Variants in OPCML observed in about 807,000 individuals in gnomAD.
The protein encoded by OPCML is opioid binding protein/cell adhesion molecule like.
In OPCML, 13 loss-of-function variants were observed where a neutral mutation model predicts 37.8. The ratio of observed to expected loss-of-function variants is 0.34; its 90% CI spans 0.22 to 0.55. OPCML has a LOEUF of 0.55. Among genes scored for constraint, OPCML ranks in the 20% least tolerant of loss-of-function variants. The pLI is 0.91. For missense variants in OPCML, 341 were observed against 435.6 expected (o/e 0.78, Z 1.93); for synonymous variants, 176 against 168.8 (o/e 1.04, Z -0.33).
intron 1 of OPCML, among the ~76,000 whole-genome samples, chr11:132,998,330 A>T (rs527619110): frequency 7.9e-5 from 12 of 152,260 alleles, no homozygotes; most frequent in African/African-American, 2.6e-4. Context: ...TCTATGAGGC[A>T]AAGGGGCACT....
intron 2 of OPCML, among the ~76,000 whole-genome samples, chr11:132,706,205 C>T (rs1944029530): frequency 6.6e-6 from 1 of 152,154 alleles, no homozygotes; most frequent in Admixed American, 6.5e-5. Flanking sequence ...ACTACGATGC[C>T]TATCCAGACT....
At chr11:132,829,552 A>G (rs1298830185) in intron 2 of OPCML, among the ~76,000 whole-genome samples, 1 of 152,202 alleles carries the variant, frequency 6.6e-6, no homozygotes. Context: ...CTCTTGACTC[A>G]TCTCCTGAGG....
intron 2 of OPCML, among the ~76,000 whole-genome samples, chr11:132,888,172 T>C (rs1943495968): frequency 2.0e-5 from 3 of 152,148 alleles, no homozygotes; most frequent in African/African-American, 7.2e-5. Context: ...CAGCCTGGTT[T>C]GACGTTCAGT....
intron 1 of OPCML, among the ~76,000 whole-genome samples, chr11:133,097,368 C>T (rs1949018230): frequency 6.6e-6 from 1 of 152,146 alleles, no homozygotes; most frequent in East Asian, 1.9e-4. Context: ...TGGAACTTAT[C>T]ACATGCGTGT....
chr11:132,585,004 G>A (rs1228832590), intron 3 of OPCML, among the ~76,000 whole-genome samples: 5 of 152,156 alleles, frequency 3.3e-5, no homozygotes, highest in Admixed American at 2.0e-4. Context: ...TGGCAGACTC[G>A]TTACAAGAGT....
At chr11:132,649,358 G>A (rs547924506) in intron 3 of OPCML, among the ~76,000 whole-genome samples, 48 of 152,240 alleles carry the variant, frequency 3.2e-4, no homozygotes, top group African/African-American at 1.1e-3. Flanking sequence ...TAGGAGACGC[G>A]TGAAGGTCAA....
At chr11:132,732,921 A>C (rs1473099434) in intron 2 of OPCML, among the ~76,000 whole-genome samples, 1 of 152,146 alleles carries the variant, frequency 6.6e-6, no homozygotes, top group Non-Finnish European at 1.5e-5. Flanking sequence ...AAGGACACAG[A>C]AGTAGTAGTA....
At chr11:132,644,871 T>C (rs1452829242) in intron 3 of OPCML, among the ~76,000 whole-genome samples, 1 of 152,246 alleles carries the variant, frequency 6.6e-6, no homozygotes, top group African/African-American at 2.4e-5. Context: ...CCAGCAATGG[T>C]ACAATTAAAA....
chr11:132,430,632 C>T (rs986686003), intron 7 of OPCML, among the ~76,000 whole-genome samples: 13 of 152,130 alleles, frequency 8.5e-5, no homozygotes, highest in African/African-American at 2.2e-4. Flanking sequence ...TTTTCACTTG[C>T]GATGACAGGA....
intron 2 of OPCML, among the ~76,000 whole-genome samples, chr11:132,793,532 G>A (rs945567218): frequency 6.6e-6 from 1 of 152,138 alleles, no homozygotes; most frequent in African/African-American, 2.4e-5. Context: ...TTGTGAAAGA[G>A]GCAGGATTAG....
chr11:133,422,121 C>T (rs1205071878), intron 1 of OPCML: 1 of 983,678 alleles, frequency 1.0e-6, no homozygotes, highest in African/African-American at 1.8e-5. Context: ...TCCCCTAGCC[C>T]CCCACCCCCT....
chr11:132,826,049 C>T (rs35203783), intron 2 of OPCML, among the ~76,000 whole-genome samples: 7 of 152,166 alleles, frequency 4.6e-5, no homozygotes, highest in Admixed American at 6.5e-5. Flanking sequence ...GGTGCAAAGA[C>T]GTGGCTACTG....
intron 1 of OPCML, among the ~76,000 whole-genome samples, chr11:133,273,886 T>A (rs1941919587): frequency 6.6e-6 from 1 of 152,238 alleles, no homozygotes; most frequent in South Asian, 2.1e-4. Flanking sequence ...ATGGGTGACA[T>A]CTGCAGTGTG....
At chr11:132,431,429 T>G (rs1193783399) in intron 7 of OPCML, among the ~76,000 whole-genome samples, 1 of 152,230 alleles carries the variant, frequency 6.6e-6, no homozygotes, top group Non-Finnish European at 1.5e-5. Flanking sequence ...TTCCAGCACC[T>G]GCAGTTGCCT....
intron 2 of OPCML, among the ~76,000 whole-genome samples, chr11:132,678,718 G>A (rs1250069433): frequency 6.6e-6 from 1 of 152,226 alleles, no homozygotes; most frequent in African/African-American, 2.4e-5. Context: ...GTGGCTATTA[G>A]GGGTTGGGCG....
intron 1 of OPCML, among the ~76,000 whole-genome samples, chr11:133,210,706 G>A (rs1296341133): frequency 6.6e-6 from 1 of 152,068 alleles, no homozygotes; most frequent in African/African-American, 2.4e-5. Context: ...TGGGGTAAAT[G>A]TGAAGGTGGA....
At chr11:132,543,534 C>A (rs1388521731) in intron 3 of OPCML, among the ~76,000 whole-genome samples, 2 of 151,820 alleles carry the variant, frequency 1.3e-5, no homozygotes, top group Admixed American at 6.6e-5. Context: ...AAAAATTAAA[C>A]AAAAATAAAA....
At chr11:133,446,951 A>C (rs1379541344) in intron 1 of OPCML, among the ~76,000 whole-genome samples, 1 of 152,218 alleles carries the variant, frequency 6.6e-6, no homozygotes, top group African/African-American at 2.4e-5. Flanking sequence ...GAACGTTTGC[A>C]CTGTTCCCAA....
chr11:133,452,336 T>C (rs78671628), intron 1 of OPCML, among the ~76,000 whole-genome samples: 3,097 of 151,780 alleles, frequency 0.02, 135 homozygotes, highest in East Asian at 0.057. Context: ...ATAATTCATT[T>C]TGTCTTTTAA....
Sources: allele counts gnomAD v4.1 joint callset (sites outside exome capture counted in the v4.1 genomes callset), GRCh38; gene constraint gnomAD v4.1.1; transcripts MANE v1.5; gene names NCBI Gene and HGNC (gene_info 2026-07-23, HGNC 2026-07-21).